The following NUFIP1 variants were observed in gnomAD, a reference collection of about 807,000 sequenced individuals.
NUFIP1 encodes nuclear FMR1 interacting protein 1.
Under a neutral mutation model 56.2 loss-of-function variants are expected in NUFIP1, and 38 were observed. The observed-to-expected ratio is 0.68, with a 90% confidence interval of 0.52 to 0.89. NUFIP1 has a LOEUF of 0.89. NUFIP1 is among the 40% of genes least tolerant of loss of function. The probability of loss-of-function intolerance (pLI) is 0.00; values close to 1 mark genes in which losing one functional copy is unlikely to be tolerated. For synonymous variants in NUFIP1, 215 were observed against 212.4 expected (o/e 1.01, Z -0.10); for missense variants, 567 against 605.8 (o/e 0.94, Z 0.67).
At chr13:44,987,694 G>A (rs1278405055) in intron 1 of NUFIP1, among the ~76,000 whole-genome samples, 2 of 152,034 alleles carry the variant, frequency 1.3e-5, no homozygotes, top group Non-Finnish European at 2.9e-5. Context: ...ACCATCCCTT[G>A]GGCTTCACCC....
chr13:44,946,074 G>A (rs942121168), intron 8 of NUFIP1, among the ~76,000 whole-genome samples: 10 of 152,060 alleles, frequency 6.6e-5, no homozygotes, highest in African/African-American at 2.4e-4. Context: ...ATAAAATAGA[G>A]ATGATAAATA....
At chr13:44,985,444 A>G (rs1872349243) in intron 1 of NUFIP1, among the ~76,000 whole-genome samples, 1 of 152,210 alleles carries the variant, frequency 6.6e-6, no homozygotes, top group Non-Finnish European at 1.5e-5. Flanking sequence ...ATTTCACTGC[A>G]CTTCGTTTTA....
chr13:44,959,307 C>G (rs1424874887), intron 7 of NUFIP1, 74 bp downstream of exon 7: 1 of 1,383,376 alleles, frequency 7.2e-7, no homozygotes, highest in Non-Finnish European at 1.0e-6. Context: ...TTTCCACAAG[C>G]AAGGCTGTGA....
At chr13:44,953,186 G>A (rs1464190713) in intron 7 of NUFIP1, among the ~76,000 whole-genome samples, 1 of 151,872 alleles carries the variant, frequency 6.6e-6, no homozygotes, top group African/African-American at 2.4e-5. Context: ...CACACTCCAG[G>A]GAAGAAGAAT....
At chr13:44,980,233 G>C (rs1872139790) in intron 3 of NUFIP1, among the ~76,000 whole-genome samples, 1 of 152,190 alleles carries the variant, frequency 6.6e-6, no homozygotes, top group African/African-American at 2.4e-5. Context: ...TCCTAAAGTT[G>C]AGGGGCATTC....
chr13:44,962,295 G>A (rs1215289942), intron 6 of NUFIP1, among the ~76,000 whole-genome samples: 1 of 152,176 alleles, frequency 6.6e-6, no homozygotes, highest in East Asian at 1.9e-4. Flanking sequence ...GGAATAGGTT[G>A]TTGAAAACAC....
Position 44,979,872 on chromosome 13 carries a change from T to C in NUFIP1, c.657+18A>G. The C allele has an allele frequency of 6.4e-7, 1 of 1,565,486 alleles. No homozygotes were observed. The highest frequency in any genetic ancestry group is 8.7e-7 in the Non-Finnish European group (1 of 1,155,270). On this transcript the variant is annotated intron_variant, in intron 4 of 9. Transcript: ENST00000379161. ...AAAGAGCATGTATTTAAAAATAGGA[T>C]AAAAAAACAGAACTTACATTTCTCC... is the stretch of plus-strand genomic sequence containing the variant.
chr13:44,958,747 T>A (rs1392419298), intron 7 of NUFIP1, among the ~76,000 whole-genome samples: 2 of 152,182 alleles, frequency 1.3e-5, no homozygotes, highest in Non-Finnish European at 2.9e-5. Context: ...GTAGTAAAAA[T>A]ATTTACATAC....
At chr13:44,944,356 G>A (rs1017419140) in intron 8 of NUFIP1, among the ~76,000 whole-genome samples, 1 of 152,052 alleles carries the variant, frequency 6.6e-6, no homozygotes, top group South Asian at 2.1e-4. Context: ...ACATCACCAG[G>A]GATGAAGTGG....
intron 9 of NUFIP1, among the ~76,000 whole-genome samples, chr13:44,941,844 G>A (rs1405461368): frequency 2.6e-5 from 4 of 151,886 alleles, no homozygotes; most frequent in East Asian, 1.9e-4. Flanking sequence ...CAGTACTAAC[G>A]CTTATATTTG....
rs1281600610 is a variant in NUFIP1 at position 44,940,614 on chromosome 13, TAA to T, written c.*590_*591del. The T allele has an allele frequency of 6.6e-6, 1 of 152,180 alleles. No individual in the cohort carries two copies. The highest frequency in any genetic ancestry group is 1.9e-4 in the East Asian group (1 of 5,194). 9.4% of individuals were successfully genotyped at this position (152,180 alleles called of 1,614,324 possible). On this transcript the variant is annotated 3_prime_UTR_variant, in exon 10 of 10. Coordinates refer to ENST00000379161, the MANE Select transcript of NUFIP1 (RefSeq NM_012345.3). ...TAAGTACTTCAATTTTATCTAAACA[TAA>T]AGAGGCCCCATCTGTATTAATATTT... is the stretch of plus-strand genomic sequence containing the variant.
chr13:44,977,579 T>A (rs1286082800), intron 5 of NUFIP1, among the ~76,000 whole-genome samples: 3 of 152,048 alleles, frequency 2.0e-5, no homozygotes, highest in African/African-American at 7.2e-5. Context: ...AGGCAACCTT[T>A]AAAACAAGCC....
At chr13:44,943,345 AAAAC>A (rs952619608) in intron 9 of NUFIP1, 93 bp downstream of exon 9, 11 of 1,064,018 alleles carry the variant, frequency 1.0e-5, no homozygotes, top group African/African-American at 6.7e-5. Flanking sequence ...TGGTAACCTT[AAAAC>A]AAACACACAC....
chr13:44,955,043 G>GTTTAA (rs1464548340), intron 7 of NUFIP1, among the ~76,000 whole-genome samples: 2 of 152,158 alleles, frequency 1.3e-5, no homozygotes, highest in African/African-American at 2.4e-5. Context: ...TGAGACAACT[G>GTTTAA]ACTTACTGTT....
rs927382489 is a variant in NUFIP1 at position 44,971,745 on chromosome 13, C to T, written c.735-5809G>A. On this transcript the variant is annotated intron_variant, in intron 5 of 9. Coordinates refer to ENST00000379161, the MANE Select transcript of NUFIP1 (RefSeq NM_012345.3). ...AGTGAAAAGGGGGGAAACTAGGCTA[C>T]GTGTACCTTTTGTCTTTTTCTCTTC... is the stretch of plus-strand genomic sequence containing the variant. 1.2e-4 allele frequency among the ~76,000 whole-genome samples: 18 copies of T among 152,308 alleles called. No individual in the cohort carries two copies. In the Middle Eastern group the frequency reaches 0.014, roughly 115 times the overall value.
Position 44,959,828 on chromosome 13 carries a change from T to A in NUFIP1, c.828-254A>T, listed in dbSNP as rs551760901. On this transcript the variant is annotated intron_variant, in intron 6 of 9. Transcript: ENST00000379161. ...TCTACGCTGCAAATTTCTACCCATA[T>A]TGTTATCCCTCTGAAATTGGGCTGT... Among the ~76,000 whole-genome samples the A allele has an allele frequency of 5.3e-5, 8 of 152,294 alleles. No homozygotes were observed. In the East Asian group the frequency reaches 1.5e-3, roughly 29 times the overall value.
intron 5 of NUFIP1, among the ~76,000 whole-genome samples, chr13:44,975,102 C>T (rs1871926414): frequency 6.6e-6 from 1 of 152,150 alleles, no homozygotes; most frequent in Admixed American, 6.5e-5. Flanking sequence ...TCTTCTACCT[C>T]TCTGGTTCCC....
chr13:44,975,918 G>A (rs1406965290), intron 5 of NUFIP1, among the ~76,000 whole-genome samples: 1 of 152,206 alleles, frequency 6.6e-6, no homozygotes. Flanking sequence ...AAATCAGGAA[G>A]TCACTTCAGA....
At chr13:44,987,717 C>T (rs1252469364) in intron 1 of NUFIP1, among the ~76,000 whole-genome samples, 7 of 152,190 alleles carry the variant, frequency 4.6e-5, no homozygotes, top group Admixed American at 4.6e-4. Context: ...GTCCAAGTCT[C>T]CAATATCTCT....
Sources: allele counts gnomAD v4.1 joint callset (sites outside exome capture counted in the v4.1 genomes callset), GRCh38; gene constraint gnomAD v4.1.1; transcripts MANE v1.5; gene names NCBI Gene and HGNC (gene_info 2026-07-23, HGNC 2026-07-21).